Variants in KDM4C observed in about 807,000 individuals in gnomAD.
KDM4C encodes lysine-specific demethylase 4C.
A neutral mutation model predicts 129.3 loss-of-function variants in KDM4C; 81 were observed. The ratio of observed to expected loss-of-function variants is 0.63; its 90% CI spans 0.52 to 0.75. The LOEUF is 0.75. Among genes scored for constraint, KDM4C ranks in the 30% least tolerant of loss-of-function variants. The pLI, the probability that KDM4C is intolerant of heterozygous loss-of-function variation, is 0.00. For synonymous variants in KDM4C, 573 were observed against 456.1 expected (o/e 1.26, Z -3.26); for missense variants, 1,457 against 1,304.0 (o/e 1.12, Z -1.81).
intron 18 of KDM4C, among the ~76,000 whole-genome samples, chr9:7,108,382 G>T (rs1356830062): frequency 6.6e-6 from 1 of 152,038 alleles, no homozygotes; most frequent in Non-Finnish European, 1.5e-5. Context: ...GACTACAGGT[G>T]TGCGCCCCCA....
chr9:6,805,813 G>T, intron 3 of KDM4C, 39 bp downstream of exon 3: 6 of 1,559,204 alleles, frequency 3.8e-6, no homozygotes, highest in Non-Finnish European at 5.2e-6. Context: ...TTCCTTCAAA[G>T]ATTTATGTAA....
chr9:6,856,584 T>TGTGTA (rs1564171899), intron 5 of KDM4C, among the ~76,000 whole-genome samples: 3 of 103,476 alleles, frequency 2.9e-5, no homozygotes, highest in Non-Finnish European at 4.1e-5. Flanking sequence ...GTGTGTGTAT[T>TGTGTA]TTTTTTTGAG....
chr9:7,151,206 G>C (rs1461935218), intron 19 of KDM4C, among the ~76,000 whole-genome samples: 1 of 152,134 alleles, frequency 6.6e-6, no homozygotes, highest in Non-Finnish European at 1.5e-5. Context: ...ATAAGTTTTA[G>C]TGCTTTTATT....
At chr9:6,960,136 A>T (rs939710322) in intron 8 of KDM4C, among the ~76,000 whole-genome samples, 1 of 152,094 alleles carries the variant, frequency 6.6e-6, no homozygotes, top group African/African-American at 2.4e-5. Flanking sequence ...AGCTTGGCCA[A>T]TATTCCTTTC....
At chr9:6,847,609 C>G (rs987775545) in intron 4 of KDM4C, among the ~76,000 whole-genome samples, 12 of 152,164 alleles carry the variant, frequency 7.9e-5, no homozygotes, top group Non-Finnish European at 1.6e-4. Flanking sequence ...CCAGGATGGT[C>G]TCGATCTCCT....
intron 17 of KDM4C, among the ~76,000 whole-genome samples, chr9:7,053,172 A>T (rs1830443683): frequency 6.6e-6 from 1 of 152,202 alleles, no homozygotes; most frequent in Admixed American, 6.5e-5. Flanking sequence ...GTTTATTTTT[A>T]AAATGCTCAT....
intron 3 of KDM4C, among the ~76,000 whole-genome samples, chr9:6,807,736 A>G (rs1213413287): frequency 5.5e-5 from 7 of 126,240 alleles, no homozygotes; most frequent in Admixed American, 3.2e-4. Flanking sequence ...CAGCCACCCC[A>G]TCTGGGAAGT....
chr9:6,905,109 A>T (rs1356000880), intron 8 of KDM4C, among the ~76,000 whole-genome samples: 2 of 152,248 alleles, frequency 1.3e-5, no homozygotes, highest in Non-Finnish European at 2.9e-5. Flanking sequence ...TTAAAAGAGC[A>T]AACAGCCAAA....
intron 8 of KDM4C, among the ~76,000 whole-genome samples, chr9:6,914,488 T>C (rs1429050451): frequency 6.6e-6 from 1 of 152,320 alleles, no homozygotes; most frequent in African/African-American, 2.4e-5. Flanking sequence ...GATCAGTGCT[T>C]ATAATGAGGG....
At chr9:7,036,871 G>T (rs1827744029) in intron 15 of KDM4C, among the ~76,000 whole-genome samples, 1 of 152,182 alleles carries the variant, frequency 6.6e-6, no homozygotes, top group South Asian at 2.1e-4. Context: ...TTGAATTAAT[G>T]AATGAATGTT....
intron 17 of KDM4C, among the ~76,000 whole-genome samples, chr9:7,071,062 T>C (rs571170816): frequency 1.3e-5 from 2 of 152,292 alleles, no homozygotes; most frequent in Non-Finnish European, 2.9e-5. Flanking sequence ...AAAATCCATT[T>C]CCATTAATGC....
chr9:7,055,705 C>G (rs376911807), intron 17 of KDM4C, among the ~76,000 whole-genome samples: 1 of 152,130 alleles, frequency 6.6e-6, no homozygotes, highest in East Asian at 1.9e-4. Context: ...ATTTCTTAGA[C>G]GAAGGCGCAT....
At position 6,841,547 on chromosome 9, in the gene KDM4C, G is replaced by A. The variant is rs530266085; in HGVS notation, c.436-7960G>A. On this transcript the variant is annotated intron_variant, in intron 4 of 21. Transcript: ENST00000381309. ...TGTGTATCAGTTTATCAATTTTTCT[G>A]TAGCCAACTCTGCTTTTATGTACAA... Among the ~76,000 whole-genome samples the A allele has an allele frequency of 3.5e-3, 534 of 152,242 alleles. 5 individuals carry two copies. Among genetic ancestry groups the A allele is most frequent in the African/African-American group, 0.012 (493 of 41,536 alleles).
At chr9:7,163,163 T>C (rs1843990779) in intron 19 of KDM4C, among the ~76,000 whole-genome samples, 2 of 152,152 alleles carry the variant, frequency 1.3e-5, no homozygotes, top group Admixed American at 1.3e-4. Flanking sequence ...GTCACCAAAC[T>C]TTCTTGGCTT....
chr9:6,855,838 T>G (rs12352882), intron 5 of KDM4C, among the ~76,000 whole-genome samples: 20,347 of 152,244 alleles, frequency 0.13, 1,853 homozygotes, highest in African/African-American at 0.25. Flanking sequence ...TCCATTAAAA[T>G]GTGAGCTCTG....
chr9:6,914,392 A>T (rs1819927837), intron 8 of KDM4C, among the ~76,000 whole-genome samples: 1 of 152,148 alleles, frequency 6.6e-6, no homozygotes, highest in African/African-American at 2.4e-5. Flanking sequence ...CATTTTAATA[A>T]AGCATTGTCT....
chr9:6,994,481 C>T (rs1315598691), intron 12 of KDM4C, among the ~76,000 whole-genome samples: 10 of 152,160 alleles, frequency 6.6e-5, no homozygotes, highest in Admixed American at 5.2e-4. Flanking sequence ...CACTGATCAC[C>T]TTACACTGTG....
intron 19 of KDM4C, among the ~76,000 whole-genome samples, chr9:7,155,191 G>A (rs1252227541): frequency 6.6e-6 from 1 of 152,248 alleles, no homozygotes; most frequent in East Asian, 1.9e-4. Context: ...GCTTTGAGAA[G>A]CTGTGCTCTA....
intron 18 of KDM4C, among the ~76,000 whole-genome samples, chr9:7,119,049 A>AT (rs1168958740): frequency 3.3e-5 from 5 of 152,138 alleles, no homozygotes; most frequent in African/African-American, 1.2e-4. Flanking sequence ...GGGAGAAATG[A>AT]TATTTAAGAA....
Sources: allele counts gnomAD v4.1 joint callset (sites outside exome capture counted in the v4.1 genomes callset), GRCh38; gene constraint gnomAD v4.1.1; transcripts MANE v1.5; gene names NCBI Gene and HGNC (gene_info 2026-07-23, HGNC 2026-07-21).